Variants in SCG5 observed in about 807,000 individuals in gnomAD.
SCG5 encodes neuroendocrine protein 7B2.
Under a neutral mutation model 25.7 loss-of-function variants are expected in SCG5, and 18 were observed. The ratio of observed to expected loss-of-function variants is 0.70; its 90% CI spans 0.48 to 1.04. The LOEUF (loss-of-function observed/expected upper bound fraction) is 1.04, where lower values mean the gene tolerates loss of function less well. SCG5 is among the 50% of genes least tolerant of loss of function. The probability of loss-of-function intolerance (pLI) is 0.00; values close to 1 mark genes in which losing one functional copy is unlikely to be tolerated. For synonymous variants in SCG5, 101 were observed against 91.7 expected (o/e 1.10, Z -0.58); for missense variants, 206 against 259.8 (o/e 0.79, Z 1.42).
intron 2 of SCG5, among the ~76,000 whole-genome samples, chr15:32,668,257 AT>A (rs1484313381): frequency 6.6e-6 from 1 of 152,266 alleles, no homozygotes; most frequent in Non-Finnish European, 1.5e-5. Context: ...ACAAATGTTT[AT>A]TCTAGCCATT....
chr15:32,693,337 T>C (rs1004842920), intron 5 of SCG5, among the ~76,000 whole-genome samples: 35 of 152,350 alleles, frequency 2.3e-4, no homozygotes, highest in Admixed American at 5.9e-4. Flanking sequence ...TAAAGGATTT[T>C]ACTTTAGCCT....
intron 2 of SCG5, among the ~76,000 whole-genome samples, chr15:32,650,174 G>A (rs983081922): frequency 3.9e-5 from 6 of 152,136 alleles, no homozygotes; most frequent in Non-Finnish European, 8.8e-5. Context: ...TCAGCTCACT[G>A]CAAGCTCTGC....
chr15:32,662,687 A>G (rs1479363994), intron 2 of SCG5, among the ~76,000 whole-genome samples: 1 of 152,096 alleles, frequency 6.6e-6, no homozygotes, highest in Non-Finnish European at 1.5e-5. Flanking sequence ...GCTTTTGTAT[A>G]AATTGGAGAT....
chr15:32,657,478 A>G (rs1302207434), intron 2 of SCG5, among the ~76,000 whole-genome samples: 3 of 151,838 alleles, frequency 2.0e-5, no homozygotes, highest in Non-Finnish European at 4.4e-5. Flanking sequence ...GCTCTGTTCC[A>G]TTCTTGCCCT....
intron 5 of SCG5, among the ~76,000 whole-genome samples, chr15:32,694,844 C>T (rs2054926328): frequency 6.6e-6 from 1 of 152,200 alleles, no homozygotes; most frequent in Non-Finnish European, 1.5e-5. Context: ...ATGCTAAACT[C>T]AGGTTTCATT....
In SCG5 at chr15:32,643,757, G is replaced by A. The variant is rs1432531229; in HGVS notation, c.165G>A (p.Arg55=). 1 of 1,613,962 alleles carries A rather than the reference G, an allele frequency of 6.2e-7. No homozygotes were observed. The highest frequency in any genetic ancestry group is 8.5e-7 in the Non-Finnish European group (1 of 1,179,888). The change falls in exon 2 of 6, where the codon AGG becomes AGA. Residue 55 remains arginine, a synonymous_variant. Transcript: ENST00000300175. ...HGVMEQLGIA[R]PRVEYPAHQA... ...TTATGGAGCAATTGGGCATTGCCAG[G>A]CCCCGAGTGGAATATCCAGCTCACC...
intron 2 of SCG5, among the ~76,000 whole-genome samples, chr15:32,659,329 G>T (rs573655895): frequency 6.6e-6 from 1 of 152,296 alleles, no homozygotes; most frequent in East Asian, 1.9e-4. Flanking sequence ...TGTTCACTTG[G>T]ACATATTTGA....
At chr15:32,660,312 A>T (rs1412264002) in intron 2 of SCG5, among the ~76,000 whole-genome samples, 1 of 152,078 alleles carries the variant, frequency 6.6e-6, no homozygotes, top group Non-Finnish European at 1.5e-5. Context: ...AGTTATCAGT[A>T]CCTACAGAGC....
intron 2 of SCG5, among the ~76,000 whole-genome samples, chr15:32,674,508 G>T (rs187996466): frequency 9.1e-4 from 138 of 152,286 alleles, no homozygotes; most frequent in African/African-American, 3.1e-3. Flanking sequence ...TGTTTACTAG[G>T]TACTAACAAC....
chr15:32,651,104 C>T (rs2054024955), intron 2 of SCG5, among the ~76,000 whole-genome samples: 1 of 152,154 alleles, frequency 6.6e-6, no homozygotes, highest in Non-Finnish European at 1.5e-5. Context: ...GAGGCTGAGG[C>T]AGGAGAATCG....
intron 4 of SCG5, among the ~76,000 whole-genome samples, chr15:32,686,253 C>A (rs1021496986): frequency 2.0e-5 from 3 of 152,030 alleles, no homozygotes; most frequent in African/African-American, 4.8e-5. Context: ...TCTATAGGTT[C>A]TCGAATAGGA....
intron 2 of SCG5, among the ~76,000 whole-genome samples, chr15:32,676,657 G>T (rs1378409127): frequency 4.6e-5 from 7 of 152,190 alleles, no homozygotes; most frequent in African/African-American, 1.7e-4. Flanking sequence ...TATCACAAAT[G>T]AGCTGGATGA....
chr15:32,649,994 A>G (rs2054008472), intron 2 of SCG5, among the ~76,000 whole-genome samples: 1 of 152,192 alleles, frequency 6.6e-6, no homozygotes, highest in African/African-American at 2.4e-5. Flanking sequence ...TCTTACATGC[A>G]ATCAGTGGGT....
At chr15:32,678,348 C>T (rs1217390572) in intron 2 of SCG5, among the ~76,000 whole-genome samples, 1 of 152,042 alleles carries the variant, frequency 6.6e-6, no homozygotes, top group Non-Finnish European at 1.5e-5. Flanking sequence ...AATGTTCATA[C>T]AAATTGATAA....
intron 2 of SCG5, chr15:32,666,330 A>C (rs1353546713): frequency 6.6e-6 from 1 of 152,242 alleles, no homozygotes; most frequent in Non-Finnish European, 1.5e-5. Context: ...AAACACATCT[A>C]CTGGGCATTC....
intron 3 of SCG5, chr15:32,684,291 G>C (rs1451188236): frequency 9.8e-6 from 4 of 408,436 alleles, no homozygotes; most frequent in Non-Finnish European, 1.7e-5. Context: ...GCAAAGCAAG[G>C]CTGGGAAATT....
At chr15:32,674,215 G>C (rs2054492770) in intron 2 of SCG5, among the ~76,000 whole-genome samples, 1 of 152,110 alleles carries the variant, frequency 6.6e-6, no homozygotes, top group Non-Finnish European at 1.5e-5. Flanking sequence ...AATAAATCTT[G>C]ATCTTAAACC....
intron 5 of SCG5, chr15:32,692,276 G>A (rs909889816): frequency 3.0e-6 from 3 of 986,896 alleles, no homozygotes; most frequent in Non-Finnish European, 3.6e-6. Flanking sequence ...GGCCTAGCCA[G>A]ACTGATGTAA....
At chr15:32,676,346 C>A (rs920233118) in intron 2 of SCG5, among the ~76,000 whole-genome samples, 1 of 152,182 alleles carries the variant, frequency 6.6e-6, no homozygotes, top group African/African-American at 2.4e-5. Context: ...CTTTGGCAGG[C>A]CTTCCATAAG....
Sources: allele counts gnomAD v4.1 joint callset (sites outside exome capture counted in the v4.1 genomes callset), GRCh38; gene constraint gnomAD v4.1.1; transcripts MANE v1.5; gene names NCBI Gene and HGNC (gene_info 2026-07-23, HGNC 2026-07-21).